The following CSMD3 variants were observed in gnomAD, a reference collection of about 807,000 sequenced individuals.
The protein encoded by CSMD3 is CUB and Sushi multiple domains 3.
CSMD3 carries 177 observed loss-of-function variants against 435.2 expected under a neutral mutation model. That is an observed-to-expected ratio of 0.41 (90% CI 0.36 to 0.46). CSMD3 has a LOEUF of 0.46. CSMD3 is among the 20% of genes least tolerant of loss of function. The pLI, the probability that CSMD3 is intolerant of heterozygous loss-of-function variation, is 0.34. For missense variants in CSMD3, 4,265 were observed against 4,504.6 expected (o/e 0.95, Z 1.52); for synonymous variants, 1,656 against 1,520.5 (o/e 1.09, Z -2.07).
chr8:113,291,758 G>C (rs1022520736), intron 2 of CSMD3, among the ~76,000 whole-genome samples: 2 of 151,986 alleles, frequency 1.3e-5, no homozygotes, highest in Admixed American at 6.6e-5. Context: ...CATCAATAAA[G>C]TCAGAGAGAG....
intron 13 of CSMD3, among the ~76,000 whole-genome samples, chr8:112,702,043 C>T (rs1415292996): frequency 6.6e-6 from 1 of 152,090 alleles, no homozygotes; most frequent in African/African-American, 2.4e-5. Flanking sequence ...TATTGATTTA[C>T]TCATCTGTCT....
At chr8:112,236,311 TA>T (rs1436724576) in intron 67 of CSMD3, among the ~76,000 whole-genome samples, 1 of 152,018 alleles carries the variant, frequency 6.6e-6, no homozygotes, top group African/African-American at 2.4e-5. Context: ...TGTCTCATTT[TA>T]AAAAATGAGA....
At chr8:112,606,208 T>A (rs889420088) in intron 22 of CSMD3, among the ~76,000 whole-genome samples, 2 of 152,252 alleles carry the variant, frequency 1.3e-5, no homozygotes, top group Non-Finnish European at 2.9e-5. Flanking sequence ...GTGGCACAGG[T>A]TGATGCCAAG....
intron 22 of CSMD3, among the ~76,000 whole-genome samples, chr8:112,593,268 A>T (rs1831354617): frequency 6.6e-6 from 1 of 152,172 alleles, no homozygotes; most frequent in East Asian, 1.9e-4. Context: ...CTCTATGAGG[A>T]ATGAATTGTA....
chr8:112,549,302 T>C (rs1827468323), intron 27 of CSMD3, among the ~76,000 whole-genome samples: 1 of 152,050 alleles, frequency 6.6e-6, no homozygotes. Context: ...ATTTCATTGG[T>C]AAATGTTTTC....
chr8:112,397,819 G>C (rs1458983933), intron 35 of CSMD3, among the ~76,000 whole-genome samples: 1 of 152,138 alleles, frequency 6.6e-6, no homozygotes, highest in Non-Finnish European at 1.5e-5. Flanking sequence ...GCATTCTGCT[G>C]CTGGCCCCCA....
intron 2 of CSMD3, among the ~76,000 whole-genome samples, chr8:113,292,159 G>T (rs921291468): frequency 6.6e-6 from 1 of 151,066 alleles, no homozygotes; most frequent in South Asian, 2.1e-4. Context: ...CTGAAATTTG[G>T]GTACAATTTT....
intron 5 of CSMD3, among the ~76,000 whole-genome samples, chr8:113,095,148 T>A (rs2090125360): frequency 6.6e-6 from 1 of 152,144 alleles, no homozygotes; most frequent in South Asian, 2.1e-4. Flanking sequence ...TTATTCATAA[T>A]ATCTGTTCTC....
At chr8:113,197,810 T>C (rs1354002378) in intron 3 of CSMD3, among the ~76,000 whole-genome samples, 1 of 151,272 alleles carries the variant, frequency 6.6e-6, no homozygotes, top group Non-Finnish European at 1.5e-5. Flanking sequence ...ATATAATTTA[T>C]TTTATATATT....
At chr8:112,880,249 G>T (rs979224432) in intron 10 of CSMD3, among the ~76,000 whole-genome samples, 1 of 152,002 alleles carries the variant, frequency 6.6e-6, no homozygotes, top group Admixed American at 6.6e-5. Context: ...TTGATGATCT[G>T]TTACAATTAT....
chr8:113,030,183 T>C (rs1329067236), intron 5 of CSMD3, among the ~76,000 whole-genome samples: 3 of 151,052 alleles, frequency 2.0e-5, no homozygotes, highest in Non-Finnish European at 4.4e-5. Context: ...GAATCAATAT[T>C]GTGACAATGA....
chr8:113,147,763 T>C (rs1026929499), intron 4 of CSMD3, among the ~76,000 whole-genome samples: 15 of 151,810 alleles, frequency 9.9e-5, no homozygotes, highest in Middle Eastern at 6.8e-3. Flanking sequence ...GAATGGTCCA[T>C]TTACCCCCAC....
Position 112,306,115 on chromosome 8 carries a change from T to C in CSMD3, c.7963A>G (p.Thr2655Ala), listed in dbSNP as rs758099512. The change falls in exon 51 of 71, where the codon ACC (threonine) becomes GCC (alanine). Residue 2655 changes from threonine to alanine, a missense_variant. Around this residue, in one of 3 missense-constraint regions of CSMD3, gnomAD observed 3,255 missense variants for 3,380.2 expected, o/e 0.96. Coordinates refer to ENST00000297405, the MANE Select transcript of CSMD3 (RefSeq NM_198123.2). ...CGATATCCATCATTACAAAAATAGG[T>C]AACTCGCGTTCCTACCAAATAGTCT... The part of the protein sequence containing the change: ...TTDYLVGTRV[T>A]YFCNDGYRLS... The C allele has an allele frequency of 1.9e-6, 3 of 1,612,526 alleles. No homozygotes were observed. In the South Asian group the frequency reaches 3.3e-5, roughly 18 times the overall value.
intron 1 of CSMD3, among the ~76,000 whole-genome samples, chr8:113,324,662 G>A (rs2093971506): frequency 6.6e-6 from 1 of 152,152 alleles, no homozygotes; most frequent in South Asian, 2.1e-4. Flanking sequence ...TGGTGTCGGA[G>A]TCCCCACACA....
chr8:113,363,071 T>C (rs1363577597), intron 1 of CSMD3, among the ~76,000 whole-genome samples: 1 of 152,214 alleles, frequency 6.6e-6, no homozygotes, highest in Non-Finnish European at 1.5e-5. Context: ...AATGTGTGTG[T>C]AAACATCACC....
chr8:112,817,485 ATAT>A (rs777499313), intron 12 of CSMD3, among the ~76,000 whole-genome samples: 1 of 152,104 alleles, frequency 6.6e-6, no homozygotes, highest in Non-Finnish European at 1.5e-5. Flanking sequence ...AAAGATTAAA[ATAT>A]TATTGTTCAA....
chr8:112,522,702 C>T (rs1824423886), intron 27 of CSMD3, among the ~76,000 whole-genome samples: 1 of 151,880 alleles, frequency 6.6e-6, no homozygotes. Flanking sequence ...ATTTACATTA[C>T]ATTTTAATCG....
At chr8:112,887,738 G>T (rs2081650259) in intron 10 of CSMD3, among the ~76,000 whole-genome samples, 1 of 89,122 alleles carries the variant, frequency 1.1e-5, no homozygotes. Flanking sequence ...TAGTCTTTAT[G>T]CAAAAAAAAA....
At chr8:113,403,172 T>C (rs1208812278) in intron 1 of CSMD3, among the ~76,000 whole-genome samples, 1 of 151,310 alleles carries the variant, frequency 6.6e-6, no homozygotes, top group Non-Finnish European at 1.5e-5. Context: ...CATCGTAGTT[T>C]TTTATATATA....
Sources: allele counts gnomAD v4.1 joint callset (sites outside exome capture counted in the v4.1 genomes callset), GRCh38; gene constraint gnomAD v4.1.1; regional missense constraint gnomAD v4.1.1; transcripts MANE v1.5; gene names NCBI Gene and HGNC (gene_info 2026-07-23, HGNC 2026-07-21).